Variants in CFAP61 observed in about 807,000 individuals in gnomAD.
The protein encoded by CFAP61 is cilia and flagella associated protein 61, also known as cilia- and flagella-associated protein 61.
A neutral mutation model predicts 135.6 loss-of-function variants in CFAP61; 107 were observed. The ratio of observed to expected loss-of-function variants is 0.79; its 90% CI spans 0.67 to 0.93. The LOEUF (loss-of-function observed/expected upper bound fraction) is 0.93, where lower values mean the gene tolerates loss of function less well. Ranked by LOEUF, CFAP61 falls within the 40% of genes least tolerant of loss-of-function variation. CFAP61 has a pLI of 0.00. For synonymous variants in CFAP61, 575 were observed against 578.5 expected (o/e 0.99, Z 0.09); for missense variants, 1,507 against 1,556.2 (o/e 0.97, Z 0.53).
At chr20:20,157,369 G>A (rs1034078083) in intron 9 of CFAP61, among the ~76,000 whole-genome samples, 1 of 152,116 alleles carries the variant, frequency 6.6e-6, no homozygotes, top group Non-Finnish European at 1.5e-5. Flanking sequence ...CATTATGCCT[G>A]GCCTAATTAT....
chr20:20,265,856 TCTGTAATCC>T (rs1485778646), intron 21 of CFAP61: 45 of 206,802 alleles, frequency 2.2e-4, no homozygotes, highest in Admixed American at 1.7e-3. Flanking sequence ...TTGTATCTTT[TCTGTAATCC>T]AGGTCATACT....
intron 25 of CFAP61, among the ~76,000 whole-genome samples, chr20:20,305,490 T>C (rs1486775380): frequency 6.6e-6 from 1 of 152,232 alleles, no homozygotes; most frequent in Non-Finnish European, 1.5e-5. Context: ...AAAATCTTCT[T>C]GAATGATGAC....
At chr20:20,341,023 G>A (rs140786130) in intron 25 of CFAP61, among the ~76,000 whole-genome samples, 3 of 152,046 alleles carry the variant, frequency 2.0e-5, no homozygotes, top group African/African-American at 7.2e-5. Context: ...CCATTCACGT[G>A]GGGGCACCAG....
chr20:20,065,334 CT>C (rs2045161593), intron 2 of CFAP61, among the ~76,000 whole-genome samples: 1 of 151,932 alleles, frequency 6.6e-6, no homozygotes, highest in African/African-American at 2.4e-5. Context: ...TCTTCCCACA[CT>C]TTTCCTATCT....
At chr20:20,060,093 A>G (rs929340375) in intron 2 of CFAP61, among the ~76,000 whole-genome samples, 1 of 151,532 alleles carries the variant, frequency 6.6e-6, no homozygotes, top group East Asian at 1.9e-4. Context: ...AAAAAAACCA[A>G]GTTACCTGCA....
At chr20:20,239,388 C>A (rs761610275) in intron 18 of CFAP61, among the ~76,000 whole-genome samples, 4 of 152,104 alleles carry the variant, frequency 2.6e-5, no homozygotes, top group African/African-American at 7.2e-5. Context: ...GGGCAGGGAA[C>A]CTTCTCTGAA....
At chr20:20,353,416 G>C (rs953221355) in intron 26 of CFAP61, among the ~76,000 whole-genome samples, 7 of 152,182 alleles carry the variant, frequency 4.6e-5, no homozygotes, top group Non-Finnish European at 7.3e-5. Context: ...TGTACCCTGA[G>C]CTGCCGGGAT....
At chr20:20,115,523 T>C (rs915797050) in intron 8 of CFAP61, among the ~76,000 whole-genome samples, 1 of 152,064 alleles carries the variant, frequency 6.6e-6, no homozygotes, top group South Asian at 2.1e-4. Flanking sequence ...TATCAAACAC[T>C]AGGTCTTATT....
chr20:20,331,665 A>G (rs544401936), intron 25 of CFAP61, among the ~76,000 whole-genome samples: 1 of 152,330 alleles, frequency 6.6e-6, no homozygotes, highest in Non-Finnish European at 1.5e-5. Context: ...GGAGTTTGCT[A>G]GTTCTTGCAG....
rs112982324 is a variant in CFAP61, at chr20:20,147,614, C to G, written c.951+4666C>G. On this transcript the variant is annotated intron_variant, in intron 9 of 26. Coordinates refer to ENST00000245957, the MANE Select transcript of CFAP61 (RefSeq NM_015585.4). ...TTTGTTTTTTTCTTGCTGATCTGTTCGAATTCCTTGTAGATTCTGGATACT... is the reference window on the plus strand; with the variant it reads ...TTTGTTTTTTTCTTGCTGATCTGTTGGAATTCCTTGTAGATTCTGGATACT... 4.8e-3 allele frequency among the ~76,000 whole-genome samples: 737 copies of G among 152,098 alleles called. 4 individuals carry two copies. The highest frequency in any genetic ancestry group is 0.017 in the African/African-American group (703 of 41,504).
intron 17 of CFAP61, among the ~76,000 whole-genome samples, chr20:20,202,155 G>T (rs2056654921): frequency 6.6e-6 from 1 of 152,124 alleles, no homozygotes; most frequent in Non-Finnish European, 1.5e-5. Context: ...GTTTATCTCA[G>T]TATGCTGTGC....
intron 8 of CFAP61, among the ~76,000 whole-genome samples, chr20:20,131,652 C>CA (rs1274140154): frequency 1.3e-5 from 2 of 151,408 alleles, no homozygotes; most frequent in Non-Finnish European, 2.9e-5. Flanking sequence ...TTTATTAGTT[C>CA]CCCTTTTGTA....
Position 20,052,548 on chromosome 20 carries a change from T to TTGCGGCAGCGCGTGGAG in CFAP61, c.-73_-57dup. The TTGCGGCAGCGCGTGGAG allele has an allele frequency of 4.3e-6, 7 of 1,614,156 alleles. No homozygotes were observed. The highest frequency in any genetic ancestry group is 5.9e-6 in the Non-Finnish European group (7 of 1,180,006). ...ATGGTGACCAGGCTGCGCGTCCTCC[T>TTGCGGCAGCGCGTGGAG]TGCGGCAGCGCGTGGAGTGCGGCGT... On this transcript the variant is annotated 5_prime_UTR_variant, in exon 1 of 27. Transcript: ENST00000245957.
At chr20:20,121,691 G>A (rs977719316) in intron 8 of CFAP61, among the ~76,000 whole-genome samples, 1 of 151,920 alleles carries the variant, frequency 6.6e-6, no homozygotes. Flanking sequence ...ATGGTGTTTC[G>A]CCATGTTGGC....
chr20:20,261,874 G>C (rs1174840317), intron 20 of CFAP61, among the ~76,000 whole-genome samples: 1 of 151,988 alleles, frequency 6.6e-6, no homozygotes, highest in Non-Finnish European at 1.5e-5. Context: ...ATCCGTTATT[G>C]TGTTTTTACT....
chr20:20,171,809 C>T (rs1048717206), intron 13 of CFAP61: 4 of 709,372 alleles, frequency 5.6e-6, no homozygotes, highest in Non-Finnish European at 1.0e-5. Context: ...GAGTTCATAG[C>T]ATCACCAGAG....
At chr20:20,132,968 G>T (rs2050656257) in intron 8 of CFAP61, among the ~76,000 whole-genome samples, 1 of 152,028 alleles carries the variant, frequency 6.6e-6, no homozygotes, top group Admixed American at 6.6e-5. Context: ...CTTTTAATTA[G>T]AGTATTTAGT....
At chr20:20,223,734 A>G (rs568100574) in intron 17 of CFAP61, among the ~76,000 whole-genome samples, 2 of 152,308 alleles carry the variant, frequency 1.3e-5, no homozygotes, top group East Asian at 3.9e-4. Context: ...ATTTTTTTCT[A>G]TACACACAGA....
chr20:20,059,582 C>G (rs182785913), intron 2 of CFAP61, among the ~76,000 whole-genome samples: 150 of 151,692 alleles, frequency 9.9e-4, no homozygotes, highest in Non-Finnish European at 1.4e-3. Flanking sequence ...CGCACCACTG[C>G]GCTCCAGCCT....
Sources: gnomAD v4.1 joint callset for allele counts (sites outside exome capture counted in the v4.1 genomes callset) on GRCh38, gnomAD v4.1.1 for gene constraint, MANE v1.5 for transcripts, NCBI Gene and HGNC (gene_info 2026-07-23, HGNC 2026-07-21) for gene names.